Variants in KCNQ3 observed in about 807,000 individuals in gnomAD.
KCNQ3 encodes the protein potassium voltage-gated channel subfamily KQT member 3.
In KCNQ3, 30 loss-of-function variants were observed where a neutral mutation model predicts 92.5. The ratio of observed to expected loss-of-function variants is 0.32; its 90% confidence interval spans 0.24 to 0.44. The LOEUF is 0.44. Among genes scored for constraint, KCNQ3 ranks in the 20% least tolerant of loss-of-function variants. The pLI is 1.00. For synonymous variants in KCNQ3, 450 were observed against 468.8 expected, an observed-to-expected ratio of 0.96 and a Z score of 0.52; for missense variants, 913 against 1,140.3, an observed-to-expected ratio of 0.80 and a Z score of 2.87.
At chr8:132,396,543 C>T (rs1013735511) in intron 1 of KCNQ3, among the ~76,000 whole-genome samples, 5 of 151,970 alleles carry the variant, frequency 3.3e-5, no homozygotes, top group African/African-American at 9.7e-5. Context: ...CCAGCCTTGC[C>T]GCCTGGTAGT....
At chr8:132,147,541 TAATA>T (rs901383486) in intron 9 of KCNQ3, among the ~76,000 whole-genome samples, 7 of 152,170 alleles carry the variant, frequency 4.6e-5, no homozygotes, top group Non-Finnish European at 7.4e-5. Flanking sequence ...AGGAGTGTCT[TAATA>T]AATATTCATT....
At chr8:132,411,421 G>C (rs1256555725) in intron 1 of KCNQ3, among the ~76,000 whole-genome samples, 1 of 152,132 alleles carries the variant, frequency 6.6e-6, no homozygotes, top group Non-Finnish European at 1.5e-5. Flanking sequence ...TATGGCTTCT[G>C]CCAGCTGGAA....
intron 1 of KCNQ3, among the ~76,000 whole-genome samples, chr8:132,408,252 T>C (rs539953027): frequency 2.0e-5 from 3 of 152,208 alleles, no homozygotes; most frequent in Non-Finnish European, 4.4e-5. Flanking sequence ...TCCATGGAGA[T>C]ACTTTCAAGA....
intron 1 of KCNQ3, among the ~76,000 whole-genome samples, chr8:132,207,339 T>C (rs1813692590): frequency 6.6e-6 from 1 of 152,246 alleles, no homozygotes; most frequent in Admixed American, 6.5e-5. Flanking sequence ...GCTGTATTGC[T>C]GCTTTAACAG....
chr8:132,129,188 G>A lies in KCNQ3; in HGVS notation c.*74C>T. 6.4e-7 allele frequency: 1 copy of A among 1,553,316 alleles called. No individual in the cohort carries two copies. The highest frequency in any genetic ancestry group is 1.1e-5 in the South Asian group (1 of 88,394). On this transcript the variant is annotated 3_prime_UTR_variant, in exon 15 of 15. Coordinates refer to ENST00000388996, the MANE Select transcript of KCNQ3 (RefSeq NM_004519.4). The surrounding 1 kb of genome is among the most constrained non-coding windows in gnomAD (Gnocchi z 5.9). ...CAGCCATTGGTGTCCCCGCTGGTAA[G>A]CGTCGGGTGTAAGAGTAAGTGAACT...
At chr8:132,329,847 G>C (rs1302290595) in intron 1 of KCNQ3, among the ~76,000 whole-genome samples, 1 of 152,176 alleles carries the variant, frequency 6.6e-6, no homozygotes, top group Non-Finnish European at 1.5e-5. Flanking sequence ...GGTTGTGCAA[G>C]GTGTGCCCTC....
intron 1 of KCNQ3, among the ~76,000 whole-genome samples, chr8:132,293,355 A>G (rs941206416): frequency 6.6e-6 from 1 of 152,030 alleles, no homozygotes; most frequent in Admixed American, 6.6e-5. Context: ...CCCCCAACCT[A>G]TGGGACCTGA....
At chr8:132,189,797 A>G (rs1827102768) in intron 1 of KCNQ3, among the ~76,000 whole-genome samples, 2 of 149,374 alleles carry the variant, frequency 1.3e-5, no homozygotes, top group Admixed American at 6.7e-5. Flanking sequence ...CTGCACTCCA[A>G]CCTGGGCAAC....
chr8:132,479,173 T>C (rs1266414002), intron 1 of KCNQ3, among the ~76,000 whole-genome samples: 4 of 151,880 alleles, frequency 2.6e-5, no homozygotes, highest in African/African-American at 7.3e-5. Context: ...ACCCCCACCA[T>C]CCTCTCCCCC....
intron 1 of KCNQ3, among the ~76,000 whole-genome samples, chr8:132,195,032 A>C (rs1311196256): frequency 2.6e-5 from 4 of 152,278 alleles, no homozygotes; most frequent in Admixed American, 2.0e-4. Flanking sequence ...AAACCCCACC[A>C]ACATCAGGGC....
intron 1 of KCNQ3, among the ~76,000 whole-genome samples, chr8:132,303,760 T>C (rs901156220): frequency 2.1e-4 from 30 of 145,954 alleles, no homozygotes; most frequent in Non-Finnish European, 4.2e-4. Flanking sequence ...TATATGTATA[T>C]ATCAGCCTCC....
intron 1 of KCNQ3, among the ~76,000 whole-genome samples, chr8:132,234,341 T>G (rs1192640719): frequency 1.1e-5 from 1 of 88,886 alleles, no homozygotes; most frequent in East Asian, 2.5e-4. Flanking sequence ...ATGAAAAGTT[T>G]TTTTTTTTTT....
intron 6 of KCNQ3, among the ~76,000 whole-genome samples, chr8:132,173,956 C>T (rs1306420488): frequency 1.3e-5 from 2 of 152,124 alleles, no homozygotes; most frequent in African/African-American, 4.8e-5. Context: ...TAGCATAGGG[C>T]CAGAAACTCC....
chr8:132,141,226 A>C lies in KCNQ3; in HGVS notation c.1368T>G (p.Ser456Arg). 6.2e-7 allele frequency: 1 copy of C among 1,614,200 alleles called. No homozygotes were observed. Among genetic ancestry groups the C allele is most frequent in the Non-Finnish European group, 8.5e-7 (1 of 1,180,006 alleles). Residue 456 changes from serine (S) to arginine (R), a missense_variant, in exon 10 of 15, where the codon AGT becomes AGG. Around this residue, in one of 6 missense-constraint regions of KCNQ3, gnomAD observed 182 missense variants for 234.5 expected, o/e 0.78. Transcript: ENST00000388996. Reference protein sequence around the residue: ...TPLNVDAIEESPSKEPKPVGL... With the variant: ...TPLNVDAIEERPSKEPKPVGL... Reference sequence around the variant, plus strand: ...CAACAGGCTTTGGTTCTTTAGAAGGACTTTCTTCTATGGCATCTACATTCA... The same window carrying C: ...CAACAGGCTTTGGTTCTTTAGAAGGCCTTTCTTCTATGGCATCTACATTCA...
chr8:132,217,724 A>AAAC, intron 1 of KCNQ3, among the ~76,000 whole-genome samples: 1 of 151,514 alleles, frequency 6.6e-6, no homozygotes, highest in Middle Eastern at 3.4e-3. Context: ...AAAAAAAAAA[A>AAAC]AAAAAACAAA....
chr8:132,192,271 A>G (rs1011071029), intron 1 of KCNQ3, among the ~76,000 whole-genome samples: 2 of 152,224 alleles, frequency 1.3e-5, no homozygotes, highest in Non-Finnish European at 1.5e-5. Context: ...CCCACTTTCT[A>G]AGACAGGAGA....
At chr8:132,442,544 C>T (rs151287995) in intron 1 of KCNQ3, among the ~76,000 whole-genome samples, 1 of 152,144 alleles carries the variant, frequency 6.6e-6, no homozygotes, top group East Asian at 1.9e-4. Flanking sequence ...TCAGAATGCA[C>T]CAACGGCTGC....
intron 1 of KCNQ3, among the ~76,000 whole-genome samples, chr8:132,324,068 ATCT>A (rs1817971790): frequency 6.6e-6 from 1 of 151,982 alleles, no homozygotes. Context: ...ATCCCTCCAT[ATCT>A]TAGTTCTTCA....
At chr8:132,383,969 C>CTT (rs1819827389) in intron 1 of KCNQ3, among the ~76,000 whole-genome samples, 1 of 152,154 alleles carries the variant, frequency 6.6e-6, no homozygotes, top group Non-Finnish European at 1.5e-5. Flanking sequence ...TGAGTTAAGT[C>CTT]TTAGCTACAA....
Sources: gnomAD v4.1 joint callset for allele counts (sites outside exome capture counted in the v4.1 genomes callset) on GRCh38, gnomAD v4.1.1 for gene constraint, gnomAD v4.1.1 regional missense constraint, Gnocchi (gnomAD v3.1) non-coding constraint, MANE v1.5 for transcripts, NCBI Gene and HGNC (gene_info 2026-07-23, HGNC 2026-07-21) for gene names.